The following MAP3K15 variants were observed in gnomAD, a reference collection of about 807,000 sequenced individuals.
MAP3K15 encodes the protein mitogen-activated protein kinase kinase kinase 15, also known as MAPK/ERK kinase kinase 15.
MAP3K15 carries 124 observed loss-of-function variants against 99.5 expected under a neutral mutation model. The observed-to-expected ratio is 1.25, with a 90% CI of 1.08 to 1.45. The LOEUF (loss-of-function observed/expected upper bound fraction) is 1.45. Among genes scored for constraint, MAP3K15 ranks in the 40% most tolerant of loss-of-function variants. The pLI is 0.00. For synonymous variants in MAP3K15, 494 were observed against 439.6 expected (o/e 1.12, Z -1.55); for missense variants, 1,242 against 1,079.7 (o/e 1.15, Z -2.11).
chrX:19,484,443 G>A (rs892096984), intron 3 of MAP3K15, among the ~76,000 whole-genome samples: 4 of 111,968 alleles, frequency 3.6e-5, no homozygotes, highest in Non-Finnish European at 5.6e-5. Context: ...GTTGGGGACC[G>A]CTGCTTTAGA....
At chrX:19,418,968 C>T (rs1353184004) in intron 9 of MAP3K15, among the ~76,000 whole-genome samples, 2 of 111,602 alleles carry the variant, frequency 1.8e-5, no homozygotes, top group East Asian at 5.6e-4. Context: ...AAATAAAATC[C>T]TTTACAGACA....
At chrX:19,422,659 C>T (rs768087788) in intron 9 of MAP3K15, among the ~76,000 whole-genome samples, 1 of 111,614 alleles carries the variant, frequency 9.0e-6, no homozygotes, top group Admixed American at 9.5e-5. Flanking sequence ...ACCATTTGAC[C>T]CAGCCATCCC....
rs750112388 is a variant in MAP3K15, at chrX:19,371,085, A to C, written c.3295-21T>G. ...TTTACCTAAAAAAAAAAAAAATAAT[A>C]AAATAAACTAAAATCACAAAAATCC... On this transcript the variant is annotated intron_variant, in intron 23 of 28. Transcript: ENST00000338883. 5 of 1,041,891 alleles carry C rather than the reference A, an allele frequency of 4.8e-6. No individual in the cohort carries two copies. In the Admixed American group the frequency reaches 1.7e-4, roughly 36 times the overall value. The allele number at this position is 1,041,891 out of a possible 1,213,427, so 85.9% of individuals were successfully genotyped here. A position where few individuals can be genotyped will look rare whatever the true frequency, so the allele number is the denominator to read the frequency against.
chrX:19,363,332 G>A (rs764244362), intron 25 of MAP3K15, among the ~76,000 whole-genome samples: 15 of 112,146 alleles, frequency 1.3e-4, no homozygotes, highest in African/African-American at 4.5e-4. Context: ...CACTGGCCAC[G>A]GAATCTGCTG....
At chrX:19,486,546 A>G in intron 2 of MAP3K15, 41 bp from the exon 3 acceptor site, 2 of 732,238 alleles carry the variant, frequency 2.7e-6, no homozygotes, top group Non-Finnish European at 3.8e-6. Flanking sequence ...TTTTTGTAAA[A>G]CAGCTAATTT....
At chrX:19,438,081 A>T (rs1432331479) in intron 6 of MAP3K15, among the ~76,000 whole-genome samples, 2 of 111,742 alleles carry the variant, frequency 1.8e-5, no homozygotes, top group African/African-American at 6.5e-5. Context: ...AGTTTTTCAC[A>T]GTAATATACA....
At chrX:19,436,462 G>A (rs1403043363) in intron 6 of MAP3K15, among the ~76,000 whole-genome samples, 1 of 110,869 alleles carries the variant, frequency 9.0e-6, no homozygotes, top group African/African-American at 3.3e-5. Flanking sequence ...GTGTCCCTTG[G>A]CAGTACCCTT....
At chrX:19,414,454 A>C in intron 10 of MAP3K15, 3 of 167,662 alleles carry the variant, frequency 1.8e-5, no homozygotes, top group Admixed American at 9.1e-5. Flanking sequence ...ACAAATTCTC[A>C]ACGCATAAAT....
chrX:19,433,831 A>G (rs929415895), intron 6 of MAP3K15, among the ~76,000 whole-genome samples: 8 of 112,311 alleles, frequency 7.1e-5, no homozygotes, highest in South Asian at 3.7e-4. Context: ...TTTTTGAACA[A>G]AGATGTTTGT....
chrX:19,369,803 C>A (rs10218309), intron 24 of MAP3K15, among the ~76,000 whole-genome samples: 7 of 109,312 alleles, frequency 6.4e-5, no homozygotes, highest in Non-Finnish European at 1.1e-4. Flanking sequence ...CCAGCTACTC[C>A]GGAGGCTGAG....
At chrX:19,477,605 G>A (rs1985271089) in intron 3 of MAP3K15, among the ~76,000 whole-genome samples, 1 of 99,755 alleles carries the variant, frequency 1.0e-5, no homozygotes, top group Non-Finnish European at 2.0e-5. Flanking sequence ...AGCTACTCAG[G>A]AGGCTGAGGC....
chrX:19,461,939 T>C (rs914086596), intron 4 of MAP3K15, among the ~76,000 whole-genome samples: 19 of 109,373 alleles, frequency 1.7e-4, no homozygotes, highest in African/African-American at 6.4e-4. Flanking sequence ...TGCAGTGAAC[T>C]GAGATCGCAC....
At chrX:19,422,361 G>T (rs1296932217) in intron 9 of MAP3K15, among the ~76,000 whole-genome samples, 1 of 111,682 alleles carries the variant, frequency 9.0e-6, no homozygotes, top group African/African-American at 3.3e-5. Flanking sequence ...CCATCAAAAA[G>T]TGGGCAAAGA....
At chrX:19,491,516 G>A (rs1461652950) in intron 1 of MAP3K15, among the ~76,000 whole-genome samples, 1 of 109,251 alleles carries the variant, frequency 9.2e-6, no homozygotes, top group Non-Finnish European at 1.9e-5. Flanking sequence ...AGGAAAGAGC[G>A]GTGCATTAAC....
At chrX:19,510,637 C>A (rs750839631) in intron 1 of MAP3K15, among the ~76,000 whole-genome samples, 7 of 111,741 alleles carry the variant, frequency 6.3e-5, no homozygotes, top group East Asian at 2.8e-4. Flanking sequence ...CTGGCACAAG[C>A]CAGGGATGCC....
intron 19 of MAP3K15, among the ~76,000 whole-genome samples, chrX:19,377,719 C>A (rs2063429472): frequency 8.9e-6 from 1 of 111,915 alleles, no homozygotes; most frequent in Non-Finnish European, 1.9e-5. Flanking sequence ...AGGTGGGCCT[C>A]ATGTTTTCCT....
chrX:19,366,880 C>A (rs1034119235), intron 25 of MAP3K15, among the ~76,000 whole-genome samples: 4 of 111,953 alleles, frequency 3.6e-5, no homozygotes, highest in Non-Finnish European at 7.5e-5. Context: ...GAAAATAACA[C>A]AATGACTATC....
intron 9 of MAP3K15, among the ~76,000 whole-genome samples, chrX:19,420,231 A>G (rs1324574381): frequency 5.4e-5 from 6 of 111,886 alleles, no homozygotes; most frequent in Non-Finnish European, 1.1e-4. Flanking sequence ...AACCCTTCAA[A>G]AAAATCAATG....
At chrX:19,505,973 C>T (rs1181274793) in intron 1 of MAP3K15, among the ~76,000 whole-genome samples, 1 of 110,688 alleles carries the variant, frequency 9.0e-6, no homozygotes, top group Non-Finnish European at 1.9e-5. Context: ...ACTCTCGTTG[C>T]TCAGGCTGTA....
Sources: allele counts gnomAD v4.1 joint callset (sites outside exome capture counted in the v4.1 genomes callset), GRCh38; gene constraint gnomAD v4.1.1; transcripts MANE v1.5; gene names NCBI Gene and HGNC (gene_info 2026-07-23, HGNC 2026-07-21).